Variants in SIAH3 observed in about 807,000 individuals in gnomAD.
SIAH3 encodes the protein siah E3 ubiquitin protein ligase family member 3, also known as seven in absentia homolog 3.
In SIAH3, 9 loss-of-function variants were observed where a neutral mutation model predicts 12.6. That is an observed-to-expected ratio of 0.72 (90% CI 0.43 to 1.25). SIAH3 has a LOEUF of 1.25. Among genes scored for constraint, SIAH3 ranks in the 50% most tolerant of loss-of-function variants. The probability of loss-of-function intolerance (pLI) is 0.00; values close to 1 mark genes in which losing one functional copy is unlikely to be tolerated. For missense variants in SIAH3, 390 were observed against 365.4 expected (o/e 1.07, Z -0.55); for synonymous variants, 154 against 151.1 (o/e 1.02, Z -0.14).
At position 45,783,583 on chromosome 13, in the gene SIAH3, C is replaced by T. The variant is rs768807402; in HGVS notation, c.610G>A (p.Glu204Lys). Residue 204 changes from glutamate (E) to lysine (K), a missense_variant, in exon 2 of 2, where the codon GAG becomes AAG. Physicochemically the swap from Glu to Lys is moderately conservative, Grantham distance 56. Transcript: ENST00000400405. ...AGGCGCCGATGGTTTCTGTTGAGCT[C>T]CAGGCGATAGGTGAAGCAGTCGGCC... ...TQADCFTYRL[E>K]LNRNHRRLKW... The T allele has an allele frequency of 3.7e-6, 6 of 1,614,062 alleles. No homozygotes were observed. The highest frequency in any genetic ancestry group is 2.7e-5 in the African/African-American group (2 of 74,940).
At chr13:45,851,356 C>A in intron 1 of SIAH3, 139 bp downstream of exon 1, 1 of 1,133,340 alleles carries the variant, frequency 8.8e-7, no homozygotes, top group South Asian at 1.4e-5. Context: ...GAGGCAAACA[C>A]GCCGGGTTCC....
chr13:45,821,432 A>G (rs921252143), intron 1 of SIAH3, among the ~76,000 whole-genome samples: 3 of 152,200 alleles, frequency 2.0e-5, no homozygotes, highest in African/African-American at 7.2e-5. Context: ...AAATACAGGT[A>G]CTAGTAGCCC....
intron 1 of SIAH3, among the ~76,000 whole-genome samples, chr13:45,793,065 T>G (rs1437769029): frequency 6.6e-6 from 1 of 152,232 alleles, no homozygotes; most frequent in Non-Finnish European, 1.5e-5. Flanking sequence ...AGGATGACTT[T>G]AGAACCACAG....
intron 1 of SIAH3, among the ~76,000 whole-genome samples, chr13:45,802,292 C>T (rs575950892): frequency 1.4e-4 from 21 of 152,026 alleles, no homozygotes; most frequent in Admixed American, 9.8e-4. Flanking sequence ...GGTGACAGAG[C>T]GAGACTCCAT....
rs1463916848 is a variant in SIAH3, at chr13:45,779,485, G to A, written c.*3898C>T. On this transcript the variant is annotated 3_prime_UTR_variant, in exon 2 of 2. Transcript: ENST00000400405. ...CTATGCCATTCACACTTTATGACTC[G>A]GTCCTTCTGAGCCTTGGGTCCATAT... is the stretch of plus-strand genomic sequence containing the variant. 6.6e-6 allele frequency: 1 copy of A among 152,076 alleles called. No individual in the cohort carries two copies. Among genetic ancestry groups the A allele is most frequent in the Non-Finnish European group, 1.5e-5 (1 of 68,016 alleles). 9.4% of individuals were successfully genotyped at this position (152,076 alleles called of 1,614,324 possible). A position where few individuals can be genotyped will look rare whatever the true frequency, so the allele number is the denominator to read the frequency against.
chr13:45,811,635 G>A (rs958067623), intron 1 of SIAH3, among the ~76,000 whole-genome samples: 31 of 152,244 alleles, frequency 2.0e-4, no homozygotes, highest in African/African-American at 6.7e-4. Flanking sequence ...GCTAATTTTT[G>A]TATTTGGCAA....
chr13:45,846,370 G>A lies in SIAH3; in HGVS notation c.135+5125C>T, dbSNP rs891871720. On this transcript the variant is annotated intron_variant, in intron 1 of 1. Transcript: ENST00000400405. ...CTCACAAAGTGCTGGGATTACAGGCGTGAGCCACCGCACCTGACCTAGAAG... is the reference window on the plus strand; with the variant it reads ...CTCACAAAGTGCTGGGATTACAGGCATGAGCCACCGCACCTGACCTAGAAG... 5.9e-5 allele frequency among the ~76,000 whole-genome samples: 9 copies of A among 152,150 alleles called. No individual in the cohort carries two copies. The South Asian group carries it at 1.5e-3, about 25-fold the overall frequency.
intron 1 of SIAH3, among the ~76,000 whole-genome samples, chr13:45,841,355 C>T (rs1241391806): frequency 2.0e-5 from 3 of 152,206 alleles, no homozygotes; most frequent in Admixed American, 6.5e-5. Flanking sequence ...GCTAACCCTG[C>T]CCTCCCTCTC....
chr13:45,834,561 A>C (rs1448495030), intron 1 of SIAH3, among the ~76,000 whole-genome samples: 1 of 152,192 alleles, frequency 6.6e-6, no homozygotes, highest in East Asian at 1.9e-4. Context: ...CTGGGAGCTC[A>C]GGGCCTATGG....
chr13:45,849,492 C>T (rs1032520741), intron 1 of SIAH3, among the ~76,000 whole-genome samples: 1 of 152,180 alleles, frequency 6.6e-6, no homozygotes, highest in Non-Finnish European at 1.5e-5. Context: ...ACCTCTGATA[C>T]CTCTTTTCAG....
intron 1 of SIAH3, among the ~76,000 whole-genome samples, chr13:45,832,345 C>T (rs1387766961): frequency 6.6e-6 from 1 of 152,220 alleles, no homozygotes; most frequent in Non-Finnish European, 1.5e-5. Context: ...GAAGCAGGAA[C>T]TCCTTGTTTC....
rs79877652 is a variant in SIAH3 at position 45,847,752 on chromosome 13, A to C, written c.135+3743T>G. Among the ~76,000 whole-genome samples, 108 of 152,042 alleles carry C rather than the reference A, an allele frequency of 7.1e-4. No individual in the cohort carries two copies. In the East Asian group the frequency reaches 0.019, roughly 27 times the overall value. On this transcript the variant is annotated intron_variant, in intron 1 of 1. Coordinates refer to ENST00000400405, the MANE Select transcript of SIAH3 (RefSeq NM_198849.3). ...GAGGGCCTCATGGAAGTTTGCCAGA[A>C]AGCATTTTACTATTCTTCTTTCAGA...
At chr13:45,837,620 G>GT (rs1257509060) in intron 1 of SIAH3, among the ~76,000 whole-genome samples, 1 of 149,166 alleles carries the variant, frequency 6.7e-6, no homozygotes, top group Non-Finnish European at 1.5e-5. Flanking sequence ...AGGGAGGGAG[G>GT]AAGGGAAGAA....
At chr13:45,814,117 TAGTCCC>T (rs971138254) in intron 1 of SIAH3, among the ~76,000 whole-genome samples, 4 of 151,232 alleles carry the variant, frequency 2.6e-5, no homozygotes, top group African/African-American at 7.3e-5. Context: ...CGGGCACCTG[TAGTCCC>T]AGCTACTCGG....
At chr13:45,835,914 A>G (rs1411619444) in intron 1 of SIAH3, among the ~76,000 whole-genome samples, 2 of 152,190 alleles carry the variant, frequency 1.3e-5, no homozygotes, top group African/African-American at 4.8e-5. Context: ...CTCTGTATTG[A>G]TAACACGCTT....
intron 1 of SIAH3, among the ~76,000 whole-genome samples, chr13:45,802,061 C>T (rs1046591626): frequency 7.9e-5 from 12 of 152,084 alleles, no homozygotes; most frequent in African/African-American, 2.2e-4. Flanking sequence ...AATCCCAGCA[C>T]TTTGGGAGGC....
At chr13:45,813,221 G>A (rs1950622207) in intron 1 of SIAH3, among the ~76,000 whole-genome samples, 1 of 150,690 alleles carries the variant, frequency 6.6e-6, no homozygotes, top group African/African-American at 2.5e-5. Context: ...GACCCAGTGG[G>A]AACATGGTGA....
intron 1 of SIAH3, among the ~76,000 whole-genome samples, chr13:45,800,889 C>T (rs1490574593): frequency 2.0e-5 from 3 of 152,092 alleles, no homozygotes; most frequent in South Asian, 2.1e-4. Flanking sequence ...GATAGAACAT[C>T]GTCTTTGTGG....
intron 1 of SIAH3, among the ~76,000 whole-genome samples, chr13:45,821,268 G>A (rs1193227100): frequency 6.6e-6 from 1 of 152,240 alleles, no homozygotes; most frequent in Non-Finnish European, 1.5e-5. Flanking sequence ...TGGAATGCCC[G>A]AGGCTGCCAT....
Sources: allele counts gnomAD v4.1 joint callset (sites outside exome capture counted in the v4.1 genomes callset), GRCh38; gene constraint gnomAD v4.1.1; transcripts MANE v1.5; gene names NCBI Gene and HGNC (gene_info 2026-07-23, HGNC 2026-07-21).